The following LSM8 variants were observed in gnomAD, a reference collection of about 807,000 sequenced individuals.
LSM8 encodes LSM8 U6 small nuclear RNA associated.
LSM8 carries 14 observed loss-of-function variants against 15.0 expected under a neutral mutation model. The ratio of observed to expected loss-of-function variants is 0.93; its 90% CI spans 0.62 to 1.46. The LOEUF is 1.46. LSM8 is among the 40% of genes most tolerant of loss of function. The pLI is 0.00. For synonymous variants in LSM8, 50 were observed against 42.1 expected (o/e 1.19, Z -0.73); for missense variants, 90 against 115.4 (o/e 0.78, Z 1.01).
rs1299421834 is a variant in LSM8 at position 118,198,231 on chromosome 7, G to GT, written c.*6231dup. On this transcript the variant is annotated 3_prime_UTR_variant, in exon 4 of 4. Transcript: ENST00000249299. The stretch of plus-strand genomic sequence containing the variant: ...GAGCAACCAGAGTCAAAGTGATTAA[G>GT]TTATAAAAAGGTTAGATTTCTTTGG... Among the ~76,000 whole-genome samples the GT allele has an allele frequency of 9.9e-5, 15 of 152,270 alleles. No individual in the cohort carries two copies. The highest frequency in any genetic ancestry group is 5.2e-4 in the Admixed American group (8 of 15,286).
rs1181950032 is a variant in LSM8, at chr7:118,198,586, G to A, written c.*6584G>A. 3.9e-5 allele frequency among the ~76,000 whole-genome samples: 6 copies of A among 152,166 alleles called. No homozygotes were observed. Among genetic ancestry groups the A allele is most frequent in the Admixed American group, 6.5e-5 (1 of 15,278 alleles). On this transcript the variant is annotated 3_prime_UTR_variant, in exon 4 of 4. Transcript: ENST00000249299. ...CATAGCAATATGGGAGAGATTGGAG[G>A]AGAATCTTCATGGAAATGGATGACT... is the stretch of plus-strand genomic sequence containing the variant.
rs1418218033 is a variant in LSM8, at chr7:118,198,650, G to A, written c.*6648G>A. The stretch of plus-strand genomic sequence containing the variant: ...AAGGATAGTAAGGATTTCCATAGAT[G>A]GTTAGGAAAACTTCAAATTGGCAGA... On this transcript the variant is annotated 3_prime_UTR_variant, in exon 4 of 4. Transcript: ENST00000249299. Among the ~76,000 whole-genome samples the A allele has an allele frequency of 6.6e-6, 1 of 152,170 alleles. No individual in the cohort carries two copies. The highest frequency in any genetic ancestry group is 1.9e-4 in the East Asian group (1 of 5,186).
chr7:118,195,878 A>G lies in LSM8; in HGVS notation c.*3876A>G, dbSNP rs1221279065. Among the ~76,000 whole-genome samples, 1 of 152,194 alleles carries G rather than the reference A, an allele frequency of 6.6e-6. No homozygotes were observed. ...CTCCATTTAGATTGATACCCATTAA[A>G]TAGCATAGTGCTCCCATTAAACTAG... On this transcript the variant is annotated 3_prime_UTR_variant, in exon 4 of 4. Transcript: ENST00000249299.
Position 118,198,358 on chromosome 7 carries a change from A to G in LSM8, c.*6356A>G, listed in dbSNP as rs572152439. 6.6e-6 allele frequency among the ~76,000 whole-genome samples: 1 copy of G among 152,216 alleles called. No homozygotes were observed. Among genetic ancestry groups the G allele is most frequent in the South Asian group, 2.1e-4 (1 of 4,830 alleles). On this transcript the variant is annotated 3_prime_UTR_variant, in exon 4 of 4. Coordinates refer to ENST00000249299, the MANE Select transcript of LSM8 (RefSeq NM_016200.5). The stretch of plus-strand genomic sequence containing the variant: ...TTTGTATATTAAAACCAAATATTCT[A>G]TGAAGATTGGAAGGATAATTTTAGG...
rs1464016094 is a variant in LSM8, at chr7:118,199,943, G to A, written c.*7941G>A. ...GTAGGCATTTTGCTCATAGCTTAGG[G>A]CAAGTGATAAAAAACAGAGCTTAAC... On this transcript the variant is annotated 3_prime_UTR_variant, in exon 4 of 4. Coordinates refer to ENST00000249299, the MANE Select transcript of LSM8 (RefSeq NM_016200.5). Among the ~76,000 whole-genome samples, 1 of 151,980 alleles carries A rather than the reference G, an allele frequency of 6.6e-6. No homozygotes were observed. The highest frequency in any genetic ancestry group is 1.5e-5 in the Non-Finnish European group (1 of 68,014).
Position 118,198,526 on chromosome 7 carries a change from T to A in LSM8, c.*6524T>A, listed in dbSNP as rs1809117453. 6.6e-6 allele frequency among the ~76,000 whole-genome samples: 1 copy of A among 152,176 alleles called. No homozygotes were observed. Among genetic ancestry groups the A allele is most frequent in the Non-Finnish European group, 1.5e-5 (1 of 68,036 alleles). On this transcript the variant is annotated 3_prime_UTR_variant, in exon 4 of 4. Coordinates refer to ENST00000249299, the MANE Select transcript of LSM8 (RefSeq NM_016200.5). ...GTGTTTGAAGGCAATATATAAAAGC[T>A]TCCCATGCATGGCAAAGATGCATTT... is the stretch of plus-strand genomic sequence containing the variant.
In LSM8 at chr7:118,193,133, A is replaced by G. The variant is rs1809014066; in HGVS notation, c.*1131A>G. Reference sequence around the variant, plus strand: ...TGGCAAGCTTTTTCTATGAAGATCCAGATAGTCTTTTAGGCTTTGAAGGCC... The same window carrying G: ...TGGCAAGCTTTTTCTATGAAGATCCGGATAGTCTTTTAGGCTTTGAAGGCC... On this transcript the variant is annotated 3_prime_UTR_variant, in exon 4 of 4. Transcript: ENST00000249299. Among the ~76,000 whole-genome samples, 1 of 152,168 alleles carries G rather than the reference A, an allele frequency of 6.6e-6. No individual in the cohort carries two copies. Among genetic ancestry groups the G allele is most frequent in the Admixed American group, 6.6e-5 (1 of 15,262 alleles).
chr7:118,185,062 C>T (rs1162081644), intron 1 of LSM8: 2 of 152,094 alleles, frequency 1.3e-5, no homozygotes, highest in Non-Finnish European at 2.9e-5. Context: ...TAGAAATAAA[C>T]AGGCCTAAGA....
chr7:118,191,593 G>A (rs1042365215), intron 3 of LSM8: 7 of 191,932 alleles, frequency 3.6e-5, no homozygotes, highest in Non-Finnish European at 1.1e-5. Flanking sequence ...GGAAGTTTGA[G>A]GGTTTTTTAC....
At chr7:118,191,669 C>A (rs1197528444) in intron 3 of LSM8, 20 of 424,936 alleles carry the variant, frequency 4.7e-5, no homozygotes, top group Non-Finnish European at 6.4e-5. Context: ...TACAATGTGT[C>A]CTTTAATATT....
At position 118,196,155 on chromosome 7, in the gene LSM8, A is replaced by G. The variant is rs1809073663; in HGVS notation, c.*4153A>G. On this transcript the variant is annotated 3_prime_UTR_variant, in exon 4 of 4. Coordinates refer to ENST00000249299, the MANE Select transcript of LSM8 (RefSeq NM_016200.5). ...GTCAGGGACACTTATCAAGCCATTA[A>G]TACATGCCAGGCAGTATGCTCAAAG... is the stretch of plus-strand genomic sequence containing the variant. 1.3e-5 allele frequency among the ~76,000 whole-genome samples: 2 copies of G among 152,206 alleles called. No homozygotes were observed. Among genetic ancestry groups the G allele is most frequent in the Admixed American group, 1.3e-4 (2 of 15,274 alleles).
chr7:118,196,529 G>A lies in LSM8; in HGVS notation c.*4527G>A, dbSNP rs1010361568. Among the ~76,000 whole-genome samples the A allele has an allele frequency of 6.6e-6, 1 of 151,830 alleles. No individual in the cohort carries two copies. Among genetic ancestry groups the A allele is most frequent in the African/African-American group, 2.4e-5 (1 of 41,332 alleles). Reference sequence around the variant, plus strand: ...AACAGTATGCCATCTCCTACTTACTGGCATCATCTGGGGAATGAAGGAGCT... The same window carrying A: ...AACAGTATGCCATCTCCTACTTACTAGCATCATCTGGGGAATGAAGGAGCT... On this transcript the variant is annotated 3_prime_UTR_variant, in exon 4 of 4. Transcript: ENST00000249299.
Position 118,199,552 on chromosome 7 carries a change from A to C in LSM8, c.*7550A>C, listed in dbSNP as rs1809136407. 6.6e-6 allele frequency among the ~76,000 whole-genome samples: 1 copy of C among 152,148 alleles called. No homozygotes were observed. Among genetic ancestry groups the C allele is most frequent in the African/African-American group, 2.4e-5 (1 of 41,460 alleles). On this transcript the variant is annotated 3_prime_UTR_variant, in exon 4 of 4. Transcript: ENST00000249299. ...TACAGAGTTTCAAAAGATGTACATA[A>C]ATTTATGGAAAGGAAATTTTGGAAT...
Position 118,184,195 on chromosome 7 carries a change from C to A in LSM8, c.-29C>A, listed in dbSNP as rs1360668516. On this transcript the variant is annotated 5_prime_UTR_variant, in exon 1 of 4. Coordinates refer to ENST00000249299, the MANE Select transcript of LSM8 (RefSeq NM_016200.5). ...GTTCTGCTTGCTGTCGGCACCGCTG[C>A]GTTACCCGGAACCGCCGGGCCGAAC... 1.3e-6 allele frequency: 2 copies of A among 1,543,438 alleles called. No individual in the cohort carries two copies. Among genetic ancestry groups the A allele is most frequent in the Non-Finnish European group, 1.7e-6 (2 of 1,143,286 alleles).
Position 118,201,013 on chromosome 7 carries a change from T to C in LSM8, c.*9011T>C, listed in dbSNP as rs1809164897. Among the ~76,000 whole-genome samples, 1 of 152,148 alleles carries C rather than the reference T, an allele frequency of 6.6e-6. No homozygotes were observed. Among genetic ancestry groups the C allele is most frequent in the Non-Finnish European group, 1.5e-5 (1 of 68,014 alleles). ...GCAATTGACTTGAAATTTGTGATAC[T>C]TCAACTTGTGCTAGGTTGTAGTTTT... On this transcript the variant is annotated 3_prime_UTR_variant, in exon 4 of 4. Transcript: ENST00000249299.
chr7:118,203,450 G>A lies in LSM8; in HGVS notation c.*11448G>A, dbSNP rs1306928741. On this transcript the variant is annotated 3_prime_UTR_variant, in exon 4 of 4. Transcript: ENST00000249299. ...GCTGTAGACTTAAATTTTTTAAATA[G>A]AGTAATGGTTGTTTAGTAGAGATTA... Among the ~76,000 whole-genome samples, 1 of 151,818 alleles carries A rather than the reference G, an allele frequency of 6.6e-6. No homozygotes were observed. The highest frequency in any genetic ancestry group is 1.5e-5 in the Non-Finnish European group (1 of 67,820).
intron 1 of LSM8, chr7:118,185,058 T>C (rs1808863282): frequency 6.6e-6 from 1 of 152,056 alleles, no homozygotes. Flanking sequence ...ATTTTAGAAA[T>C]AAACAGGCCT....
At position 118,184,190 on chromosome 7, in the gene LSM8, C is replaced by T. The variant is rs78362933; in HGVS notation, c.-34C>T. 6,514 of 1,542,886 alleles carry T rather than the reference C, an allele frequency of 4.2e-3. 25 individuals are homozygous for T. The highest frequency in any genetic ancestry group is 5.3e-3 in the Non-Finnish European group (6,099 of 1,143,086). On this transcript the variant is annotated 5_prime_UTR_variant, in exon 1 of 4. Transcript: ENST00000249299. ...TTTCAGTTCTGCTTGCTGTCGGCACCGCTGCGTTACCCGGAACCGCCGGGC... is the reference window on the plus strand; with the variant it reads ...TTTCAGTTCTGCTTGCTGTCGGCACTGCTGCGTTACCCGGAACCGCCGGGC...
intron 3 of LSM8, 25 bp from the exon 4 acceptor site, chr7:118,191,887 A>C: frequency 6.5e-7 from 1 of 1,540,704 alleles, no homozygotes; most frequent in Non-Finnish European, 8.9e-7. Context: ...CAGAAATGTG[A>C]TTGTTTTAAC....
Sources: gnomAD v4.1 joint callset for allele counts (sites outside exome capture counted in the v4.1 genomes callset) on GRCh38, gnomAD v4.1.1 for gene constraint, MANE v1.5 for transcripts, NCBI Gene and HGNC (gene_info 2026-07-23, HGNC 2026-07-21) for gene names.